The following COPG2 variants were observed in gnomAD, a reference collection of about 807,000 sequenced individuals.
The protein encoded by COPG2 is coatomer subunit gamma-2.
In COPG2, 37 loss-of-function variants were observed where a neutral mutation model predicts 46.3. The ratio of observed to expected loss-of-function variants is 0.80; its 90% CI spans 0.61 to 1.05. The LOEUF (loss-of-function observed/expected upper bound fraction) is 1.05. Ranked by LOEUF, COPG2 falls within the 50% of genes least tolerant of loss-of-function variation. The pLI, the probability that COPG2 is intolerant of heterozygous loss-of-function variation, is 0.00. For synonymous variants in COPG2, 159 were observed against 129.7 expected, an observed-to-expected ratio of 1.23 and a Z score of -1.53; for missense variants, 427 against 387.8, an observed-to-expected ratio of 1.10 and a Z score of -0.85.
At chr7:130,592,211 G>T (rs1169781567) in intron 9 of COPG2, among the ~76,000 whole-genome samples, 1 of 152,032 alleles carries the variant, frequency 6.6e-6, no homozygotes, top group Non-Finnish European at 1.5e-5. Context: ...CAGCATGCTC[G>T]TTAAGAGTCA....
At chr7:130,613,261 A>G (rs1036136990) in intron 7 of COPG2, among the ~76,000 whole-genome samples, 2 of 151,962 alleles carry the variant, frequency 1.3e-5, no homozygotes, top group African/African-American at 2.4e-5. Context: ...AGAATCTCAC[A>G]CTGCTGCTGG....
At chr7:130,528,819 G>C (rs1799798028) in intron 20 of COPG2, among the ~76,000 whole-genome samples, 1 of 152,066 alleles carries the variant, frequency 6.6e-6, no homozygotes, top group South Asian at 2.1e-4. Flanking sequence ...CTGCAGTAAA[G>C]GAGGCATGCC....
At chr7:130,600,405 A>G (rs908349404) in intron 9 of COPG2, among the ~76,000 whole-genome samples, 2 of 152,010 alleles carry the variant, frequency 1.3e-5, no homozygotes, top group Non-Finnish European at 2.9e-5. Context: ...GGACTACAGG[A>G]ACGTGCCACC....
intron 3 of COPG2, among the ~76,000 whole-genome samples, chr7:130,665,047 G>A (rs1796047007): frequency 6.7e-6 from 1 of 149,828 alleles, no homozygotes; most frequent in South Asian, 2.1e-4. Context: ...CAGGCGTGGT[G>A]GTGCATGCCT....
intron 5 of COPG2, 144 bp from the exon 6 acceptor site, chr7:130,617,209 T>C (rs1284322738): frequency 3.8e-6 from 2 of 528,850 alleles, no homozygotes; most frequent in South Asian, 3.0e-5. Flanking sequence ...TCTTTGTATA[T>C]GTGCTAAGAC....
intron 20 of COPG2, among the ~76,000 whole-genome samples, chr7:130,523,794 G>T (rs1051636600): frequency 6.6e-6 from 1 of 152,122 alleles, no homozygotes; most frequent in African/African-American, 2.4e-5. Flanking sequence ...AGGCACAAAG[G>T]GGAATGGAGA....
chr7:130,654,703 T>C (rs1256606543), intron 4 of COPG2, among the ~76,000 whole-genome samples: 6 of 152,166 alleles, frequency 3.9e-5, no homozygotes, highest in Non-Finnish European at 8.8e-5. Context: ...CAATTTTGAA[T>C]ATAAACAATA....
intron 9 of COPG2, among the ~76,000 whole-genome samples, chr7:130,588,445 A>T (rs1460572820): frequency 6.6e-6 from 1 of 152,012 alleles, no homozygotes; most frequent in African/African-American, 2.4e-5. Flanking sequence ...GCCCATATAC[A>T]CCATGGAATA....
intron 5 of COPG2, chr7:130,645,148 C>A: frequency 2.0e-6 from 1 of 498,884 alleles, no homozygotes; most frequent in Non-Finnish European, 3.9e-6. Flanking sequence ...AATTAGTGTT[C>A]ACAGTAAGAA....
chr7:130,626,578 C>T (rs1010876788), intron 5 of COPG2, among the ~76,000 whole-genome samples: 4 of 151,896 alleles, frequency 2.6e-5, no homozygotes, highest in Non-Finnish European at 5.9e-5. Context: ...TAAGAGAGAG[C>T]GCTCCTGAAC....
intron 20 of COPG2, among the ~76,000 whole-genome samples, chr7:130,527,277 GGGA>G (rs1477398959): frequency 6.6e-6 from 1 of 151,576 alleles, no homozygotes; most frequent in African/African-American, 2.4e-5. Context: ...TGAGTAGACA[GGGA>G]GGAGAACAAG....
At chr7:130,558,281 T>C (rs1409351077) in intron 12 of COPG2, among the ~76,000 whole-genome samples, 1 of 152,016 alleles carries the variant, frequency 6.6e-6, no homozygotes, top group Non-Finnish European at 1.5e-5. Context: ...GCTGTTCTTG[T>C]GATAGTAAGT....
chr7:130,586,910 C>A (rs1332961493), intron 9 of COPG2, among the ~76,000 whole-genome samples: 1 of 152,022 alleles, frequency 6.6e-6, no homozygotes, highest in Non-Finnish European at 1.5e-5. Flanking sequence ...TATTAGCCAA[C>A]ACTCAACAGT....
At chr7:130,613,503 T>G in intron 7 of COPG2, 41 bp downstream of exon 7, 1 of 1,260,504 alleles carries the variant, frequency 7.9e-7, no homozygotes, top group Non-Finnish European at 1.1e-6. Flanking sequence ...AACTCAAAAC[T>G]GTACCATGCT....
intron 9 of COPG2, among the ~76,000 whole-genome samples, chr7:130,577,996 A>C (rs1361972049): frequency 6.6e-6 from 1 of 152,242 alleles, no homozygotes; most frequent in Non-Finnish European, 1.5e-5. Flanking sequence ...GGAGCCCACC[A>C]CAGCTCAAGG....
chr7:130,519,005 C>CAAA lies in COPG2; in HGVS notation c.2150-10349_2150-10347dup, dbSNP rs1163859617. Among the ~76,000 whole-genome samples the CAAA allele has an allele frequency of 3.7e-4, 43 of 116,360 alleles. 1 individual carries two copies. Among genetic ancestry groups the CAAA allele is most frequent in the South Asian group, 1.2e-3 (4 of 3,426 alleles). 76.3% of individuals were successfully genotyped at this position (116,360 alleles called of 152,430 possible). A position where few individuals can be genotyped will look rare whatever the true frequency, so the allele number is the denominator to read the frequency against. ...TGGGCAACAGAGTGAGACTCTGTCTCAAAAAAAAAAAAAAAAAAGAGTAGA... is the reference window on the plus strand; with the variant it reads ...TGGGCAACAGAGTGAGACTCTGTCTCAAAAAAAAAAAAAAAAAAAAAGAGTAGA... On this transcript the variant is annotated intron_variant, in intron 20 of 23. Transcript: ENST00000425248.
intron 20 of COPG2, among the ~76,000 whole-genome samples, chr7:130,513,341 A>ATATGTG (rs1215646008): frequency 3.7e-4 from 19 of 51,544 alleles, no homozygotes; most frequent in Non-Finnish European, 7.2e-4. Flanking sequence ...ATATATATAT[A>ATATGTG]TGTGTGTGTG....
intron 20 of COPG2, among the ~76,000 whole-genome samples, chr7:130,533,582 G>A (rs1179065511): frequency 6.6e-6 from 1 of 152,116 alleles, no homozygotes; most frequent in Non-Finnish European, 1.5e-5. Flanking sequence ...GGAAACCAGT[G>A]TCTCCCTAGT....
At chr7:130,575,985 T>C (rs1249303564) in intron 9 of COPG2, among the ~76,000 whole-genome samples, 2 of 152,200 alleles carry the variant, frequency 1.3e-5, no homozygotes, top group Non-Finnish European at 2.9e-5. Context: ...GTACATTAGA[T>C]AATGGTAAAA....
Sources: allele counts gnomAD v4.1 joint callset (sites outside exome capture counted in the v4.1 genomes callset), GRCh38; gene constraint gnomAD v4.1.1; transcripts MANE v1.5; gene names NCBI Gene and HGNC (gene_info 2026-07-23, HGNC 2026-07-21).